The following MAP3K15 variants were observed in gnomAD, a reference collection of about 807,000 sequenced individuals.
The protein encoded by MAP3K15 is mitogen-activated protein kinase kinase kinase 15, also known as MAPK/ERK kinase kinase 15.
MAP3K15 carries 124 observed loss-of-function variants against 99.5 expected under a neutral mutation model. That is an observed-to-expected ratio of 1.25 (90% CI 1.08 to 1.45). The LOEUF is 1.45. Ranked by LOEUF, MAP3K15 falls within the 40% of genes most tolerant of loss-of-function variation. The pLI, the probability that MAP3K15 is intolerant of heterozygous loss-of-function variation, is 0.00. For synonymous variants in MAP3K15, 494 were observed against 439.6 expected (o/e 1.12, Z -1.55); for missense variants, 1,242 against 1,079.7 (o/e 1.15, Z -2.11).
intron 1 of MAP3K15, among the ~76,000 whole-genome samples, chrX:19,509,478 T>G (rs1365451742): frequency 8.9e-6 from 1 of 111,957 alleles, no homozygotes; most frequent in East Asian, 2.8e-4. Context: ...CTGAACAATC[T>G]GCTCCTGAAT....
chrX:19,510,813 C>T (rs2064512672), intron 1 of MAP3K15, among the ~76,000 whole-genome samples: 1 of 112,281 alleles, frequency 8.9e-6, no homozygotes, highest in African/African-American at 3.2e-5. Context: ...AGCCCAAAAA[C>T]TCCTTAAGCT....
intron 1 of MAP3K15, 94 bp from the exon 2 acceptor site, chrX:19,489,061 G>C: frequency 1.2e-6 from 1 of 822,177 alleles, no homozygotes; most frequent in South Asian, 3.1e-5. Context: ...ATAGCAATGT[G>C]TATTTCTGTC....
intron 22 of MAP3K15, among the ~76,000 whole-genome samples, chrX:19,371,798 G>A (rs749500169): frequency 2.7e-5 from 3 of 110,963 alleles, no homozygotes; most frequent in South Asian, 7.6e-4. Context: ...AGTTCAGAGC[G>A]GAGCAGCGGC....
At chrX:19,460,175 A>T in intron 4 of MAP3K15, 22 bp from the exon 5 acceptor site, 1 of 1,122,655 alleles carries the variant, frequency 8.9e-7, no homozygotes, top group Non-Finnish European at 1.2e-6. Flanking sequence ...AAAACACAAA[A>T]TCCTCCAGTC....
intron 7 of MAP3K15, among the ~76,000 whole-genome samples, chrX:19,430,726 T>G (rs1467039923): frequency 9.0e-6 from 1 of 110,960 alleles, no homozygotes; most frequent in Non-Finnish European, 1.9e-5. Flanking sequence ...TGCTTAGTGC[T>G]GACCATCCTG....
intron 6 of MAP3K15, among the ~76,000 whole-genome samples, chrX:19,438,378 G>C (rs1286422227): frequency 8.9e-6 from 1 of 112,175 alleles, no homozygotes; most frequent in Admixed American, 9.5e-5. Context: ...AAAGTGCTGA[G>C]ACTGCAGGCA....
intron 1 of MAP3K15, among the ~76,000 whole-genome samples, chrX:19,510,042 C>T (rs1232424345): frequency 1.8e-5 from 2 of 111,365 alleles, no homozygotes; most frequent in Non-Finnish European, 3.8e-5. Flanking sequence ...AAGACAAAAC[C>T]AGGAAGAAGT....
At chrX:19,440,641 G>T (rs911565956) in intron 6 of MAP3K15, among the ~76,000 whole-genome samples, 1 of 112,507 alleles carries the variant, frequency 8.9e-6, no homozygotes. Context: ...TGGGCTGATA[G>T]GCCCTCTGAT....
chrX:19,480,100 A>G (rs939466238), intron 3 of MAP3K15, among the ~76,000 whole-genome samples: 2 of 112,442 alleles, frequency 1.8e-5, no homozygotes, highest in African/African-American at 6.5e-5. Context: ...CTGTACATGG[A>G]AAACTACAAA....
At chrX:19,381,021 CAG>C (rs770983317) in intron 18 of MAP3K15, among the ~76,000 whole-genome samples, 30 of 112,141 alleles carry the variant, frequency 2.7e-4, no homozygotes, top group African/African-American at 8.1e-4. Context: ...GAGACAAAGA[CAG>C]AATGCTGGCA....
intron 19 of MAP3K15, among the ~76,000 whole-genome samples, chrX:19,375,455 G>A (rs1265356528): frequency 3.6e-5 from 4 of 112,143 alleles, no homozygotes; most frequent in African/African-American, 9.7e-5. Context: ...CTGTAGGGAA[G>A]TAAGAGTTGG....
At chrX:19,433,961 CAGAT>C (rs2063903592) in intron 6 of MAP3K15, among the ~76,000 whole-genome samples, 3 of 111,418 alleles carry the variant, frequency 2.7e-5, no homozygotes, top group African/African-American at 9.8e-5. Context: ...TATAAAGGGA[CAGAT>C]CCACGTGTAA....
At chrX:19,488,523 T>C (rs1199662865) in intron 2 of MAP3K15, among the ~76,000 whole-genome samples, 2 of 111,611 alleles carry the variant, frequency 1.8e-5, no homozygotes, top group African/African-American at 6.5e-5. Flanking sequence ...TTGGATCCAA[T>C]TGCTCATGAA....
chrX:19,381,627 A>C (rs959722202), intron 18 of MAP3K15, among the ~76,000 whole-genome samples: 10 of 112,087 alleles, frequency 8.9e-5, no homozygotes, highest in African/African-American at 3.2e-4. Context: ...GGGTGTGGGA[A>C]TAGTTAAGGA....
intron 13 of MAP3K15, 122 bp downstream of exon 13, chrX:19,407,066 G>T: frequency 2.3e-6 from 1 of 425,536 alleles, no homozygotes; most frequent in Admixed American, 5.5e-5. Context: ...GAGCTTTTTT[G>T]AGATGTAAGT....
chrX:19,489,370 T>C (rs2064351169), intron 1 of MAP3K15, among the ~76,000 whole-genome samples: 1 of 111,403 alleles, frequency 9.0e-6, no homozygotes, highest in Non-Finnish European at 1.9e-5. Flanking sequence ...TGCCCCTCCC[T>C]GATCACATCT....
At chrX:19,421,797 A>C (rs13304706) in intron 9 of MAP3K15, among the ~76,000 whole-genome samples, 1 of 110,360 alleles carries the variant, frequency 9.1e-6, no homozygotes, top group African/African-American at 3.4e-5. Context: ...AGGCTACGGT[A>C]ACCAAAACAG....
intron 13 of MAP3K15, among the ~76,000 whole-genome samples, chrX:19,406,472 A>G (rs138514084): frequency 0.019 from 2,164 of 112,232 alleles, 65 homozygotes; most frequent in African/African-American, 0.067. Flanking sequence ...CAGTCACAAG[A>G]GACCACATAC....
At chrX:19,390,303 CTTTTTTTTT>C (rs869140702) in intron 18 of MAP3K15, among the ~76,000 whole-genome samples, 1 of 69,395 alleles carries the variant, frequency 1.4e-5, no homozygotes, top group Admixed American at 1.6e-4. Context: ...CTAATTTTTT[CTTTTTTTTT>C]TTTTTTTTTT....
Sources: gnomAD v4.1 joint callset for allele counts (sites outside exome capture counted in the v4.1 genomes callset) on GRCh38, gnomAD v4.1.1 for gene constraint, MANE v1.5 for transcripts, NCBI Gene and HGNC (gene_info 2026-07-23, HGNC 2026-07-21) for gene names.